The following LPIN3 variants were observed in gnomAD, a reference collection of about 807,000 sequenced individuals.
The protein encoded by LPIN3 is phosphatidate phosphatase LPIN3.
In LPIN3, 82 loss-of-function variants were observed where a neutral mutation model predicts 94.7. The observed-to-expected ratio is 0.87, with a 90% confidence interval of 0.72 to 1.04. LPIN3 has a LOEUF of 1.04. Ranked by LOEUF, LPIN3 falls within the 50% of genes least tolerant of loss-of-function variation. The pLI, the probability that LPIN3 is intolerant of heterozygous loss-of-function variation, is 0.00. For synonymous variants in LPIN3, 418 were observed against 443.3 expected, an observed-to-expected ratio of 0.94 and a Z score of 0.72; for missense variants, 996 against 1,090.5, an observed-to-expected ratio of 0.91 and a Z score of 1.22.
Position 41,349,947 on chromosome 20 carries a change from C to T in LPIN3, c.759+53C>T. On this transcript the variant is annotated intron_variant, in intron 6 of 19. Transcript: ENST00000373257. Reference sequence around the variant, plus strand: ...CCGGCCTTTCAGGGGCTCTGTGGCCCCCATGGGTCAGGGTTGGAGGGACTG... The same window carrying T: ...CCGGCCTTTCAGGGGCTCTGTGGCCTCCATGGGTCAGGGTTGGAGGGACTG... 2 of 1,582,854 alleles carry T rather than the reference C, an allele frequency of 1.3e-6. 1 individual carries two copies. Among genetic ancestry groups the T allele is most frequent in the South Asian group, 2.3e-5 (2 of 87,130 alleles).
chr20:41,347,596 G>A lies in LPIN3; in HGVS notation c.237G>A (p.Lys79=). Reference sequence around the variant, plus strand: ...GGGAGCCTGTGGACTTGCACATGAAGCTTGGGGACAGCGGGGAGGCCTTCT... The same window carrying A: ...GGGAGCCTGTGGACTTGCACATGAAACTTGGGGACAGCGGGGAGGCCTTCT... The part of the protein sequence containing the change: ...LNGEPVDLHM[K]LGDSGEAFFV... The change falls in exon 3 of 20, where the codon AAG becomes AAA. Residue 79 remains lysine, a synonymous_variant. Transcript: ENST00000373257. 1 of 1,614,208 alleles carries A rather than the reference G, an allele frequency of 6.2e-7. No individual in the cohort carries two copies. Among genetic ancestry groups the A allele is most frequent in the Non-Finnish European group, 8.5e-7 (1 of 1,180,026 alleles).
intron 11 of LPIN3, among the ~76,000 whole-genome samples, chr20:41,353,572 A>G (rs1429720288): frequency 2.0e-5 from 3 of 152,200 alleles, no homozygotes. Flanking sequence ...AACAGCATGT[A>G]TGATGCCCAG....
At chr20:41,357,012 C>T (rs375028629) in intron 14 of LPIN3, 28 bp from the exon 15 acceptor site, 233 of 1,602,718 alleles carry the variant, frequency 1.5e-4, no homozygotes, top group Non-Finnish European at 1.9e-4. Context: ...TCATCAATCA[C>T]GACACACCCC....
intron 2 of LPIN3, 99 bp downstream of exon 2, chr20:41,346,094 G>A: frequency 4.1e-6 from 5 of 1,228,996 alleles, no homozygotes; most frequent in Non-Finnish European, 5.7e-6. Context: ...CCTCCCTTAG[G>A]TGGGGATCTG....
At chr20:41,351,179 G>A (rs1345695778) in intron 7 of LPIN3, among the ~76,000 whole-genome samples, 1 of 151,982 alleles carries the variant, frequency 6.6e-6, no homozygotes, top group East Asian at 1.9e-4. Context: ...CTTGAGCCCA[G>A]GAGTTCAAGG....
At position 41,358,279 on chromosome 20, in the gene LPIN3, C is replaced by G; in HGVS notation, c.2235C>G (p.Cys745Trp). ...AACCAGAGGTGTTCAAGGTCGCCTGCCTGAGTGACATCCAGCAGCTGTTTC... is the reference window on the plus strand; with the variant it reads ...AACCAGAGGTGTTCAAGGTCGCCTGGCTGAGTGACATCCAGCAGCTGTTTC... Reference protein sequence around the residue: ...EKKPEVFKVACLSDIQQLFLP... With the variant: ...EKKPEVFKVAWLSDIQQLFLP... Residue 745 changes from cysteine (C) to tryptophan (W), a missense_variant, in exon 18 of 20, where the codon TGC (cysteine) becomes TGG (tryptophan). Cys to Trp is a radical substitution (Grantham distance 215, BLOSUM62 -2). Coordinates refer to ENST00000373257, the MANE Select transcript of LPIN3 (RefSeq NM_022896.3). 1 of 1,614,190 alleles carries G rather than the reference C, an allele frequency of 6.2e-7. No homozygotes were observed. Among genetic ancestry groups the G allele is most frequent in the African/African-American group, 1.3e-5 (1 of 75,068 alleles).
In LPIN3 at chr20:41,347,513, G is replaced by A. The variant is rs368323332; in HGVS notation, c.193-39G>A. The A allele has an allele frequency of 3.3e-4, 521 of 1,583,572 alleles. 2 individuals are homozygous for A. Among genetic ancestry groups the A allele is most frequent in the African/African-American group, 2.9e-3 (219 of 74,396 alleles). On this transcript the variant is annotated intron_variant, in intron 2 of 19. Transcript: ENST00000373257. ...GAGGCCTGTGGTCGGAAGCATGGGC[G>A]TGAAGGCCCATGTCCCTGCCACCGC... is the stretch of plus-strand genomic sequence containing the variant.
In LPIN3 at chr20:41,354,638, C is replaced by G; in HGVS notation, c.1528-7C>G. ...GAAACACTGCCATGGCTTTCATCTG[C>G]CCACAGAGCACCATGGACAAGCTGG... On this transcript the variant is annotated splice_region_variant and splice_polypyrimidine_tract_variant and intron_variant, in intron 11 of 19. Transcript: ENST00000373257. 6.4e-7 allele frequency: 1 copy of G among 1,565,232 alleles called. No homozygotes were observed. The highest frequency in any genetic ancestry group is 8.7e-7 in the Non-Finnish European group (1 of 1,153,664).
At chr20:41,351,072 T>C (rs1232385720) in intron 7 of LPIN3, among the ~76,000 whole-genome samples, 1 of 143,582 alleles carries the variant, frequency 7.0e-6, no homozygotes, top group African/African-American at 2.6e-5. Flanking sequence ...TGAGAACCCA[T>C]CTCTACAAAA....
rs372754428 is a variant in LPIN3 at position 41,347,609 on chromosome 20, G to A, written c.250G>A (p.Gly84Arg). Residue 84 changes from glycine to arginine, a missense_variant, in exon 3 of 20, where the codon GGG (glycine) becomes AGG (arginine). Coordinates refer to ENST00000373257, the MANE Select transcript of LPIN3 (RefSeq NM_022896.3). ...VDLHMKLGDS[G>R]EAFFVQELES... is the part of the protein sequence containing the mutation. ...CTTGCACATGAAGCTTGGGGACAGC[G>A]GGGAGGCCTTCTTTGTTCAGGAGCT... 35 of 1,613,978 alleles carry A rather than the reference G, an allele frequency of 2.2e-5. No homozygotes were observed. Among genetic ancestry groups the A allele is most frequent in the South Asian group, 6.6e-5 (6 of 91,080 alleles).
Position 41,349,184 on chromosome 20 carries a change from G to T in LPIN3, c.638+12G>T. The T allele has an allele frequency of 6.2e-7, 1 of 1,613,082 alleles. No individual in the cohort carries two copies. Among genetic ancestry groups the T allele is most frequent in the Admixed American group, 1.7e-5 (1 of 59,900 alleles). ...CCCCCCCAGGCCAGGTAAGAGTCCA[G>T]GTGGGCTGCAGGCCAGGACTCCAGA... On this transcript the variant is annotated intron_variant, in intron 5 of 19. Coordinates refer to ENST00000373257, the MANE Select transcript of LPIN3 (RefSeq NM_022896.3).
chr20:41,358,540 C>T lies in LPIN3; in HGVS notation c.2409C>T (p.Ser803=). 1 of 1,613,998 alleles carries T rather than the reference C, an allele frequency of 6.2e-7. No homozygotes were observed. The highest frequency in any genetic ancestry group is 1.1e-5 in the South Asian group (1 of 91,068). Residue 803 remains serine, a splice_region_variant and synonymous_variant, in exon 19 of 20, where the codon TCC becomes TCT. Transcript: ENST00000373257. ...AGGAGCTCATAAAGAACCACAAATC[C>T]ACGTGAGGCTAAACCCTGCCATGTT... ...LIQELIKNHK[S]TYERLGEVVE...
chr20:41,347,670 A>T, intron 3 of LPIN3, 23 bp downstream of exon 3: 1 of 1,590,966 alleles, frequency 6.3e-7, no homozygotes, highest in East Asian at 2.2e-5. Flanking sequence ...TCCTAACAGC[A>T]CCTGCCCCGC....
chr20:41,343,498 G>A (rs1418698890), intron 1 of LPIN3, among the ~76,000 whole-genome samples: 1 of 152,208 alleles, frequency 6.6e-6, no homozygotes, highest in Non-Finnish European at 1.5e-5. Context: ...ACATCTTAGG[G>A]GTCCAGGGAG....
chr20:41,352,682 G>A lies in LPIN3; in HGVS notation c.1440G>A (p.Val480=), dbSNP rs920167525. ...GACTTTTGGATGACCCAAACCTAGT[G>A]GTGAAAATCAATGGAAAGTAAGTCC... ...NPGLLDDPNL[V]VKINGKHYNW... Residue 480 remains valine (V), a synonymous_variant, in exon 10 of 20, where the codon GTG becomes GTA. Coordinates refer to ENST00000373257, the MANE Select transcript of LPIN3 (RefSeq NM_022896.3). The A allele has an allele frequency of 2.5e-6, 4 of 1,614,186 alleles. No individual in the cohort carries two copies. Among genetic ancestry groups the A allele is most frequent in the Non-Finnish European group, 3.4e-6 (4 of 1,179,990 alleles).
chr20:41,357,417 G>A lies in LPIN3; in HGVS notation c.2009G>A (p.Gly670Asp), dbSNP rs1413683898. The change falls in exon 16 of 20, where the codon GGC becomes GAC. Residue 670 changes from glycine (G) to aspartate (D), a missense_variant. Gly to Asp is a moderately conservative substitution (Grantham distance 94). Coordinates refer to ENST00000373257, the MANE Select transcript of LPIN3 (RefSeq NM_022896.3). The stretch of plus-strand genomic sequence containing the variant: ...CTGGGGAAAGACTGGACACACCAGG[G>A]CATCACCAGTCTCTATCACAAAATC... Reference protein sequence around the residue: ...PQLGKDWTHQGITSLYHKIQL... With the variant: ...PQLGKDWTHQDITSLYHKIQL... 6.2e-7 allele frequency: 1 copy of A among 1,613,874 alleles called. No homozygotes were observed. Among genetic ancestry groups the A allele is most frequent in the Non-Finnish European group, 8.5e-7 (1 of 1,179,968 alleles).
At chr20:41,347,810 T>A (rs2045841810) in intron 3 of LPIN3, among the ~76,000 whole-genome samples, 163 bp downstream of exon 3, 1 of 151,910 alleles carries the variant, frequency 6.6e-6, no homozygotes, top group Non-Finnish European at 1.5e-5. Context: ...CTGGCACACG[T>A]GATATGCTGT....
In LPIN3 at chr20:41,350,254, C is replaced by T. The variant is rs772074840; in HGVS notation, c.959C>T (p.Pro320Leu). The stretch of plus-strand genomic sequence containing the variant: ...GAGGATCCCACTCTAGTGGGTCCCC[C>T]TCTCCACACCCCAGAGACAGAGGAA... ...DTEDPTLVGP[P>L]LHTPETEESK... is the part of the protein sequence containing the mutation. Residue 320 changes from proline to leucine, a missense_variant, in exon 7 of 20, where the codon CCT (proline) becomes CTT (leucine). Physicochemically the swap from Pro to Leu is moderately conservative, Grantham distance 98 (BLOSUM62 -3). Transcript: ENST00000373257. The T allele has an allele frequency of 4.3e-6, 7 of 1,613,752 alleles. No individual in the cohort carries two copies. Among genetic ancestry groups the T allele is most frequent in the Non-Finnish European group, 5.9e-6 (7 of 1,180,020 alleles).
chr20:41,342,020 G>T (rs1002144759), intron 1 of LPIN3, among the ~76,000 whole-genome samples: 9 of 152,130 alleles, frequency 5.9e-5, no homozygotes, highest in Non-Finnish European at 1.3e-4. Flanking sequence ...TCAACTGCTG[G>T]CAGGGGCAGT....
Sources: gnomAD v4.1 joint callset for allele counts (sites outside exome capture counted in the v4.1 genomes callset) on GRCh38, gnomAD v4.1.1 for gene constraint, MANE v1.5 for transcripts, NCBI Gene and HGNC (gene_info 2026-07-23, HGNC 2026-07-21) for gene names.